Variants in TBC1D22A observed in about 807,000 individuals in gnomAD.
TBC1D22A encodes TBC1 domain family member 22A.
TBC1D22A carries 38 observed loss-of-function variants against 60.2 expected under a neutral mutation model. The ratio of observed to expected loss-of-function variants is 0.63; its 90% CI spans 0.49 to 0.83. The LOEUF (loss-of-function observed/expected upper bound fraction) is 0.83, where lower values mean the gene tolerates loss of function less well. TBC1D22A is among the 40% of genes least tolerant of loss of function. TBC1D22A has a pLI of 0.00. For synonymous variants in TBC1D22A, 302 were observed against 281.7 expected, an observed-to-expected ratio of 1.07 and a Z score of -0.72; for missense variants, 628 against 701.0, an observed-to-expected ratio of 0.90 and a Z score of 1.18.
intron 12 of TBC1D22A, 55 bp downstream of exon 12, chr22:47,111,658 G>A (rs2065851217): frequency 2.0e-6 from 3 of 1,505,032 alleles, no homozygotes; most frequent in Non-Finnish European, 2.8e-6. Flanking sequence ...TAGGAGAGAG[G>A]TTTATTACAT....
chr22:46,894,673 C>A (rs1464654886), intron 6 of TBC1D22A, 111 bp from the exon 7 acceptor site: 5 of 1,240,996 alleles, frequency 4.0e-6, no homozygotes, highest in Non-Finnish European at 5.9e-6. Context: ...AAGGAGAGAG[C>A]GGGGTAGAGG....
chr22:46,907,935 C>T (rs2069607718), intron 7 of TBC1D22A, among the ~76,000 whole-genome samples: 1 of 152,138 alleles, frequency 6.6e-6, no homozygotes, highest in African/African-American at 2.4e-5. Flanking sequence ...GAAAGAGCAG[C>T]AGTGCAAAGG....
chr22:46,846,944 C>T (rs761360209), intron 4 of TBC1D22A, among the ~76,000 whole-genome samples: 1 of 152,236 alleles, frequency 6.6e-6, no homozygotes, highest in South Asian at 2.1e-4. Flanking sequence ...GTTTTCAGAA[C>T]CCGGTGCTGG....
At chr22:46,971,313 G>T (rs945819325) in intron 8 of TBC1D22A, among the ~76,000 whole-genome samples, 3 of 152,160 alleles carry the variant, frequency 2.0e-5, no homozygotes, top group Admixed American at 6.5e-5. Flanking sequence ...CTGCATCTGT[G>T]CACTCAGGCA....
intron 4 of TBC1D22A, among the ~76,000 whole-genome samples, chr22:46,871,589 A>C (rs763723923): frequency 6.6e-6 from 1 of 152,388 alleles, no homozygotes; most frequent in African/African-American, 2.4e-5. Flanking sequence ...ATTTACCTGC[A>C]TACTTCTAAA....
At chr22:46,904,142 T>TCTATCTATCTATCTATCTAC (rs57116517) in intron 7 of TBC1D22A, among the ~76,000 whole-genome samples, 14 of 134,576 alleles carry the variant, frequency 1.0e-4, no homozygotes, top group South Asian at 4.8e-4. Flanking sequence ...TATCTATCTA[T>TCTATCTATCTATCTATCTAC]CTACCTACCT....
At chr22:47,130,476 G>T (rs1000277231) in intron 12 of TBC1D22A, among the ~76,000 whole-genome samples, 4 of 152,218 alleles carry the variant, frequency 2.6e-5, no homozygotes, top group African/African-American at 9.6e-5. Flanking sequence ...CTGCCTTCTG[G>T]CCTCTCTCTG....
intron 10 of TBC1D22A, among the ~76,000 whole-genome samples, chr22:47,018,897 G>T (rs1053052639): frequency 7.0e-6 from 1 of 142,054 alleles, no homozygotes; most frequent in South Asian, 2.3e-4. Flanking sequence ...TACTTAAGCA[G>T]TTCTCCTTTC....
chr22:46,852,397 A>G (rs2087328448), intron 4 of TBC1D22A, among the ~76,000 whole-genome samples: 1 of 152,012 alleles, frequency 6.6e-6, no homozygotes, highest in Non-Finnish European at 1.5e-5. Flanking sequence ...CTTCAGCGAC[A>G]CCATTCACAT....
chr22:46,906,797 GTGTA>G (rs1369141523), intron 7 of TBC1D22A, among the ~76,000 whole-genome samples: 1 of 147,492 alleles, frequency 6.8e-6, no homozygotes, highest in Non-Finnish European at 1.5e-5. Context: ...GTGTGTGTGT[GTGTA>G]TGTGTGTGTG....
intron 1 of TBC1D22A, among the ~76,000 whole-genome samples, chr22:46,783,765 A>G (rs2084043475): frequency 6.6e-6 from 1 of 152,208 alleles, no homozygotes; most frequent in Admixed American, 6.5e-5. Context: ...TGCTATGGTT[A>G]GTATTCCATT....
chr22:47,161,753 C>T (rs1014651278), intron 12 of TBC1D22A, among the ~76,000 whole-genome samples: 8 of 152,204 alleles, frequency 5.3e-5, no homozygotes, highest in Non-Finnish European at 1.0e-4. Flanking sequence ...AGCCCTTCTG[C>T]GCAAGTGTGT....
chr22:46,872,478 G>C (rs375861954), intron 4 of TBC1D22A, among the ~76,000 whole-genome samples: 1 of 152,112 alleles, frequency 6.6e-6, no homozygotes. Flanking sequence ...AGGAATTGCT[G>C]TCCTGTTATC....
At chr22:46,850,266 G>A (rs908092546) in intron 4 of TBC1D22A, among the ~76,000 whole-genome samples, 1 of 152,170 alleles carries the variant, frequency 6.6e-6, no homozygotes, top group African/African-American at 2.4e-5. Context: ...GTGCCTTTGA[G>A]GTACCCTGTG....
chr22:46,984,444 T>C (rs1008680274), intron 9 of TBC1D22A, among the ~76,000 whole-genome samples: 3 of 144,536 alleles, frequency 2.1e-5, no homozygotes, highest in African/African-American at 7.6e-5. Flanking sequence ...CTCAGGCTTT[T>C]AGGGGATTAT....
chr22:46,812,479 G>A (rs1461579744), intron 4 of TBC1D22A, among the ~76,000 whole-genome samples: 1 of 152,202 alleles, frequency 6.6e-6, no homozygotes, highest in East Asian at 1.9e-4. Context: ...GGGCTCCCAC[G>A]GGTTGGTCAC....
Position 47,172,002 on chromosome 22 carries a change from G to GCCCAGTGAGCCTACCCAGCACT in TBC1D22A, c.1426-1489_1426-1488insAGCCTACCCAGCACTCCCAGTG, listed in dbSNP as rs1556353256. Among the ~76,000 whole-genome samples the GCCCAGTGAGCCTACCCAGCACT allele has an allele frequency of 5.4e-3, 567 of 104,452 alleles. 10 individuals carry two copies. Among genetic ancestry groups the GCCCAGTGAGCCTACCCAGCACT allele is most frequent in the African/African-American group, 0.014 (460 of 32,212 alleles). 68.5% of individuals were successfully genotyped at this position (104,452 alleles called of 152,430 possible). ...CGCACCTGCCCAGTGCGCCCGGTGA[G>GCCCAGTGAGCCTACCCAGCACT]CCCAGTGTGCCTACCCAGCACTCCC... On this transcript the variant is annotated intron_variant, in intron 12 of 12. Transcript: ENST00000337137.
intron 4 of TBC1D22A, among the ~76,000 whole-genome samples, chr22:46,860,141 C>G (rs2087784394): frequency 4.5e-4 from 1 of 2,234 alleles, no homozygotes; most frequent in Non-Finnish European, 9.8e-4. Context: ...GGACCAGAAT[C>G]CTTTTCCATA....
At chr22:47,091,603 G>A (rs2064979767) in intron 11 of TBC1D22A, among the ~76,000 whole-genome samples, 1 of 151,344 alleles carries the variant, frequency 6.6e-6, no homozygotes, top group African/African-American at 2.4e-5. Context: ...ACGATAAGTC[G>A]TCTTTCGGGG....
Sources: allele counts gnomAD v4.1 joint callset (sites outside exome capture counted in the v4.1 genomes callset), GRCh38; gene constraint gnomAD v4.1.1; transcripts MANE v1.5; gene names NCBI Gene and HGNC (gene_info 2026-07-23, HGNC 2026-07-21).